The following KALRN variants were observed in gnomAD, a reference collection of about 807,000 sequenced individuals.
The protein encoded by KALRN is kalirin.
A neutral mutation model predicts 353.7 loss-of-function variants in KALRN; 70 were observed. The observed-to-expected ratio is 0.20, with a 90% CI of 0.16 to 0.24. The LOEUF is 0.24. KALRN is among the 10% of genes least tolerant of loss of function. The pLI, the probability that KALRN is intolerant of heterozygous loss-of-function variation, is 1.00. For synonymous variants in KALRN, 1,391 were observed against 1,434.8 expected (o/e 0.97, Z 0.69); for missense variants, 2,791 against 3,756.7 (o/e 0.74, Z 6.72).
intron 1 of KALRN, among the ~76,000 whole-genome samples, chr3:124,111,782 ATAAAT>A (rs1390101227): frequency 6.6e-6 from 1 of 151,870 alleles, no homozygotes; most frequent in Non-Finnish European, 1.5e-5. Flanking sequence ...TCAAAATATA[ATAAAT>A]TTATTTAATC....
chr3:124,707,439 TTCCTTCCC>T (rs1316336140), intron 57 of KALRN, among the ~76,000 whole-genome samples: 3 of 146,074 alleles, frequency 2.1e-5, no homozygotes, highest in Non-Finnish European at 3.0e-5. Context: ...CCTTCCTTCC[TTCCTTCCC>T]TCCTTCCTTC....
intron 25 of KALRN, among the ~76,000 whole-genome samples, chr3:124,465,114 T>C (rs2060207011): frequency 6.6e-6 from 1 of 152,084 alleles, no homozygotes; most frequent in Non-Finnish European, 1.5e-5. Context: ...AAAATCAAGC[T>C]TCATATTAAT....
At chr3:124,650,684 G>T in intron 37 of KALRN, 124 bp from the exon 38 acceptor site, 1 of 965,312 alleles carries the variant, frequency 1.0e-6, no homozygotes, top group East Asian at 2.4e-5. Context: ...CTTCACTGTG[G>T]TTTGGTGAGA....
intron 3 of KALRN, among the ~76,000 whole-genome samples, chr3:124,255,201 C>T (rs2071773223): frequency 6.6e-6 from 1 of 152,210 alleles, no homozygotes; most frequent in Non-Finnish European, 1.5e-5. Context: ...GCCTCAGCCT[C>T]ACCAAGTGCT....
intron 5 of KALRN, among the ~76,000 whole-genome samples, chr3:124,273,424 A>G (rs2074373171): frequency 6.6e-6 from 1 of 152,270 alleles, no homozygotes; most frequent in Admixed American, 6.5e-5. Context: ...AAGTGAGCAC[A>G]TAAGCTCCTG....
chr3:124,053,069 CT>C (rs986767052), intron 1 of KALRN, among the ~76,000 whole-genome samples: 5 of 152,178 alleles, frequency 3.3e-5, no homozygotes, highest in Non-Finnish European at 2.9e-5. Context: ...TGGGGTCTCA[CT>C]GTATCACACA....
intron 9 of KALRN, among the ~76,000 whole-genome samples, chr3:124,340,827 G>A (rs1448969101): frequency 5.3e-5 from 8 of 152,006 alleles, no homozygotes; most frequent in African/African-American, 1.2e-4. Context: ...ATGGTGATGC[G>A]TACCTATAAT....
chr3:124,477,473 A>G, intron 27 of KALRN, 139 bp downstream of exon 27: 1 of 669,478 alleles, frequency 1.5e-6, no homozygotes, highest in South Asian at 1.9e-5. Context: ...AGCATGGAAA[A>G]AAAGCAAAAA....
chr3:124,479,125 T>C (rs2061710186), intron 27 of KALRN, among the ~76,000 whole-genome samples: 1 of 152,238 alleles, frequency 6.6e-6, no homozygotes, highest in African/African-American at 2.4e-5. Flanking sequence ...CTGATTCATA[T>C]TTGTCACATC....
chr3:124,223,144 T>C (rs896650848), intron 1 of KALRN, among the ~76,000 whole-genome samples: 4 of 151,942 alleles, frequency 2.6e-5, no homozygotes, highest in Non-Finnish European at 5.9e-5. Flanking sequence ...CATCTTTCTC[T>C]GCTTGGAAGC....
Position 124,667,187 on chromosome 3 carries a change from G to A in KALRN, c.6703+4G>A. The A allele has an allele frequency of 6.2e-7, 1 of 1,612,660 alleles. No individual in the cohort carries two copies. The highest frequency in any genetic ancestry group is 8.5e-7 in the Non-Finnish European group (1 of 1,178,984). ...ACACAGCGAGACTTTTTGAATGGTG[G>A]GTGCTGGGCTTGGTTCCTTGCAGGG... is the stretch of plus-strand genomic sequence containing the variant. On this transcript the variant is annotated splice_donor_region_variant and intron_variant, in intron 47 of 59. Coordinates refer to ENST00000682506, the MANE Select transcript of KALRN (RefSeq NM_001388419.1).
chr3:124,661,361 C>T (rs2084858031), intron 44 of KALRN, among the ~76,000 whole-genome samples: 1 of 152,206 alleles, frequency 6.6e-6, no homozygotes, highest in African/African-American at 2.4e-5. Context: ...CCATTTTCAC[C>T]TCCCTGTCCA....
intron 23 of KALRN, among the ~76,000 whole-genome samples, chr3:124,460,380 G>A (rs549743321): frequency 2.6e-5 from 4 of 152,332 alleles, no homozygotes; most frequent in Middle Eastern, 3.4e-3. Context: ...ATAAAATGGG[G>A]TGGGGATAGC....
intron 33 of KALRN, among the ~76,000 whole-genome samples, chr3:124,498,951 G>A (rs1193005223): frequency 6.6e-6 from 1 of 151,720 alleles, no homozygotes; most frequent in Non-Finnish European, 1.5e-5. Flanking sequence ...CTGAAAAAAA[G>A]GAAAATAATA....
chr3:124,349,849 G>C (rs1388931238), intron 10 of KALRN, among the ~76,000 whole-genome samples: 1 of 152,148 alleles, frequency 6.6e-6, no homozygotes, highest in Non-Finnish European at 1.5e-5. Flanking sequence ...CACAATATCT[G>C]GTCCTGGGTC....
At chr3:124,248,447 G>A (rs2070660107) in intron 3 of KALRN, among the ~76,000 whole-genome samples, 3 of 152,204 alleles carry the variant, frequency 2.0e-5, no homozygotes, top group Admixed American at 2.0e-4. Context: ...CCAGGGGACG[G>A]AGCATGGATG....
chr3:124,145,308 AGT>A (rs903635075), intron 1 of KALRN, among the ~76,000 whole-genome samples: 2 of 152,210 alleles, frequency 1.3e-5, no homozygotes, highest in Admixed American at 1.3e-4. Context: ...GTTCTAAATC[AGT>A]GAGTTTTCAC....
chr3:124,710,348 C>A (rs1214168339), intron 57 of KALRN, among the ~76,000 whole-genome samples: 4 of 152,040 alleles, frequency 2.6e-5, no homozygotes, highest in Admixed American at 2.6e-4. Context: ...AGGAAGGAGG[C>A]TAAAATCTCA....
intron 36 of KALRN, among the ~76,000 whole-genome samples, chr3:124,634,890 C>T (rs1035946035): frequency 6.6e-6 from 1 of 152,102 alleles, no homozygotes; most frequent in African/African-American, 2.4e-5. Context: ...AGTGCTCTGC[C>T]CTGTAGTGGG....
Sources: allele counts gnomAD v4.1 joint callset (sites outside exome capture counted in the v4.1 genomes callset), GRCh38; gene constraint gnomAD v4.1.1; transcripts MANE v1.5; gene names NCBI Gene and HGNC (gene_info 2026-07-23, HGNC 2026-07-21).